Variants in RORA observed in about 807,000 individuals in gnomAD.
RORA encodes nuclear receptor ROR-alpha.
RORA carries 7 observed loss-of-function variants against 69.5 expected under a neutral mutation model. The observed-to-expected ratio is 0.10, with a 90% CI of 0.06 to 0.19. The LOEUF (loss-of-function observed/expected upper bound fraction) is 0.19. Ranked by LOEUF, RORA falls within the 10% of genes least tolerant of loss-of-function variation. RORA has a pLI of 1.00. For synonymous variants in RORA, 261 were observed against 240.8 expected (o/e 1.08, Z -0.78); for missense variants, 457 against 663.0 (o/e 0.69, Z 3.41).
At chr15:60,618,681 C>T (rs1318742477) in intron 2 of RORA, among the ~76,000 whole-genome samples, 1 of 152,178 alleles carries the variant, frequency 6.6e-6, no homozygotes, top group Non-Finnish European at 1.5e-5. Context: ...TGTATTTTCT[C>T]ATTTCAGGAT....
chr15:60,940,693 C>T (rs964474850), intron 1 of RORA, among the ~76,000 whole-genome samples: 5 of 152,040 alleles, frequency 3.3e-5, no homozygotes, highest in South Asian at 2.1e-4. Context: ...TTTGGGAGTC[C>T]GAGGCAGGTG....
chr15:61,019,825 C>G (rs574062204), intron 1 of RORA, among the ~76,000 whole-genome samples: 2 of 152,192 alleles, frequency 1.3e-5, no homozygotes, highest in African/African-American at 4.8e-5. Context: ...TGGCTGGTCA[C>G]TGACGGGGCC....
At chr15:60,530,082 G>A (rs2066483748) in intron 3 of RORA, 2 of 152,238 alleles carry the variant, frequency 1.3e-5, no homozygotes, top group African/African-American at 4.8e-5. Flanking sequence ...ACCCTCTATT[G>A]AGAAAGGCCA....
chr15:60,632,479 C>T (rs1237697371), intron 2 of RORA, among the ~76,000 whole-genome samples: 1 of 152,076 alleles, frequency 6.6e-6, no homozygotes. Flanking sequence ...GCAGGGTTCC[C>T]AGTTAAATTT....
At chr15:60,970,591 G>C (rs1036669257) in intron 1 of RORA, among the ~76,000 whole-genome samples, 10 of 152,282 alleles carry the variant, frequency 6.6e-5, no homozygotes, top group African/African-American at 2.4e-4. Flanking sequence ...GAGGAAATAG[G>C]AACTTGGTTT....
At chr15:60,620,075 T>A (rs2069363397) in intron 2 of RORA, among the ~76,000 whole-genome samples, 1 of 152,226 alleles carries the variant, frequency 6.6e-6, no homozygotes, top group South Asian at 2.1e-4. Flanking sequence ...GTAGCTAAAG[T>A]ATAGATGCTT....
chr15:60,940,860 A>G (rs978167304), intron 1 of RORA, among the ~76,000 whole-genome samples: 1 of 152,156 alleles, frequency 6.6e-6, no homozygotes, highest in East Asian at 1.9e-4. Context: ...TCGGGAGGCA[A>G]AGCTTGCAGT....
At chr15:60,501,394 A>G (rs2065327779) in intron 8 of RORA, among the ~76,000 whole-genome samples, 1 of 152,186 alleles carries the variant, frequency 6.6e-6, no homozygotes, top group African/African-American at 2.4e-5. Flanking sequence ...GTATTGCTCT[A>G]AGGTATTTCT....
intron 1 of RORA, among the ~76,000 whole-genome samples, chr15:61,077,748 A>G (rs1356500584): frequency 6.6e-6 from 1 of 152,170 alleles, no homozygotes; most frequent in Non-Finnish European, 1.5e-5. Context: ...AATGCCCATA[A>G]TTCTTTATAA....
chr15:61,030,217 C>A (rs554694758), intron 1 of RORA, among the ~76,000 whole-genome samples: 41 of 152,090 alleles, frequency 2.7e-4, no homozygotes, highest in African/African-American at 9.6e-4. Flanking sequence ...GAACTAGTAC[C>A]TTTGGCTATA....
chr15:60,652,001 C>A (rs1303526802), intron 2 of RORA, among the ~76,000 whole-genome samples: 1 of 152,174 alleles, frequency 6.6e-6, no homozygotes, highest in East Asian at 1.9e-4. Context: ...AGAGGGGTGT[C>A]CTTTTACCTT....
chr15:60,756,336 G>A (rs1398262858), intron 1 of RORA, among the ~76,000 whole-genome samples: 2 of 152,166 alleles, frequency 1.3e-5, no homozygotes, highest in Non-Finnish European at 2.9e-5. Flanking sequence ...TTTATTTTTG[G>A]TTAATTGTTT....
At chr15:60,584,520 A>G (rs2068276514) in intron 2 of RORA, among the ~76,000 whole-genome samples, 1 of 152,234 alleles carries the variant, frequency 6.6e-6, no homozygotes, top group Non-Finnish European at 1.5e-5. Context: ...GTGGCTGCCA[A>G]CTTCTCAGTG....
At chr15:61,141,641 G>A (rs1272425807) in intron 1 of RORA, among the ~76,000 whole-genome samples, 3 of 152,128 alleles carry the variant, frequency 2.0e-5, no homozygotes, top group Non-Finnish European at 4.4e-5. Context: ...ACAGTACTAC[G>A]GCTTGATTTC....
intron 2 of RORA, among the ~76,000 whole-genome samples, chr15:60,549,068 T>C (rs1282749798): frequency 1.3e-5 from 2 of 152,244 alleles, no homozygotes; most frequent in African/African-American, 2.4e-5. Context: ...ATATGTTCTA[T>C]GATATGTAGC....
At chr15:61,223,767 A>C (rs1408518837) in intron 1 of RORA, among the ~76,000 whole-genome samples, 1 of 152,236 alleles carries the variant, frequency 6.6e-6, no homozygotes, top group African/African-American at 2.4e-5. Context: ...AGGACAAAAA[A>C]TACTTTGGGT....
intron 1 of RORA, among the ~76,000 whole-genome samples, chr15:61,066,879 CAAAAAAAAAAAAAAAAAA>C (rs33936803): frequency 2.4e-4 from 17 of 71,300 alleles, no homozygotes; most frequent in African/African-American, 8.4e-4. Flanking sequence ...TTCATAAGAC[CAAAAAAAAAAAAAAAAAA>C]AAAAAAAAAC....
chr15:61,137,087 GAAAGAAAGAAAGA>G (rs2079251886), intron 1 of RORA, among the ~76,000 whole-genome samples: 1 of 145,326 alleles, frequency 6.9e-6, no homozygotes, highest in Non-Finnish European at 1.5e-5. Flanking sequence ...AAGAAAGAAA[GAAAGAAAGAAAGA>G]AAAAAGCAAG....
At chr15:60,819,622 G>A (rs896728322) in intron 1 of RORA, among the ~76,000 whole-genome samples, 1 of 152,104 alleles carries the variant, frequency 6.6e-6, no homozygotes, top group Non-Finnish European at 1.5e-5. Flanking sequence ...GGGCTCGTCT[G>A]TTGGGTGGGA....
Sources: allele counts gnomAD v4.1 joint callset (sites outside exome capture counted in the v4.1 genomes callset), GRCh38; gene constraint gnomAD v4.1.1; transcripts MANE v1.5; gene names NCBI Gene and HGNC (gene_info 2026-07-23, HGNC 2026-07-21).